Variants in OGG1 observed in about 807,000 individuals in gnomAD.
OGG1 encodes the protein 8-oxoguanine DNA glycosylase.
Under a neutral mutation model 42.3 loss-of-function variants are expected in OGG1, and 35 were observed. The observed-to-expected ratio is 0.83, with a 90% confidence interval of 0.63 to 1.10. OGG1 has a LOEUF of 1.10. OGG1 is among the 50% of genes least tolerant of loss of function. The pLI, the probability that OGG1 is intolerant of heterozygous loss-of-function variation, is 0.00. For synonymous variants in OGG1, 189 were observed against 179.0 expected (o/e 1.06, Z -0.44); for missense variants, 484 against 446.7 (o/e 1.08, Z -0.75).
chr3:9,751,274 G>A, intron 2 of OGG1, 82 bp downstream of exon 2: 1 of 1,420,992 alleles, frequency 7.0e-7, no homozygotes, highest in South Asian at 1.2e-5. Flanking sequence ...CCTGTAAAAT[G>A]GGGATTATAT....
downstream of OGG1, among the ~76,000 whole-genome samples, chr3:9,788,896 C>T (rs1470497409): frequency 6.7e-6 from 1 of 150,242 alleles, no homozygotes; most frequent in African/African-American, 2.5e-5. Context: ...AGTGCAGTGG[C>T]GTGATCTCGG....
rs755731269 is a variant in OGG1 at position 9,765,786 on chromosome 3, A to G, written c.1049-23A>G. ...GTGCAGGACAGCAATCTCATTCTCC[A>G]TGCTGCCTTCCTTGCCCTCCAGGGC... On this transcript the variant is annotated intron_variant, in intron 7 of 7. Transcript: ENST00000302008. 19 of 1,614,046 alleles carry G rather than the reference A, an allele frequency of 1.2e-5. No homozygotes were observed. In the South Asian group the frequency reaches 2.0e-4, roughly 17 times the overall value.
chr3:9,778,090 T>C (rs2078387032), intron 2 of OGG1, among the ~76,000 whole-genome samples: 2 of 152,218 alleles, frequency 1.3e-5, no homozygotes, highest in Admixed American at 1.3e-4. Flanking sequence ...TCCTCATCTG[T>C]AAATGGGATG....
intron 1 of OGG1, chr3:9,750,716 GA>G (rs1559679472): frequency 5.8e-6 from 4 of 691,136 alleles, no homozygotes; most frequent in Non-Finnish European, 9.8e-6. Context: ...TTCCAGCCTC[GA>G]CCCCCCGGGC....
intron 1 of OGG1, 199 bp from the exon 2 acceptor site, chr3:9,750,745 TG>T: frequency 8.1e-6 from 6 of 742,698 alleles, no homozygotes; most frequent in Non-Finnish European, 1.3e-5. Context: ...CCCGAGTAGC[TG>T]GGACTACAGG....
chr3:9,753,438 G>A (rs2077398439), intron 3 of OGG1, among the ~76,000 whole-genome samples: 1 of 151,870 alleles, frequency 6.6e-6, no homozygotes, highest in African/African-American at 2.4e-5. Context: ...GGATCACGAG[G>A]TCAGGAGATC....
chr3:9,750,654 T>A, intron 1 of OGG1: 1 of 716,904 alleles, frequency 1.4e-6, no homozygotes, highest in East Asian at 2.7e-5. Flanking sequence ...GTTTTTCTTT[T>A]TTTGAGACAG....
rs2077275477 is a variant in OGG1, at chr3:9,751,006, A to T, written c.199A>T (p.Thr67Ser). 1 of 1,614,028 alleles carries T rather than the reference A, an allele frequency of 6.2e-7. No homozygotes were observed. Among genetic ancestry groups the T allele is most frequent in the Middle Eastern group, 1.6e-4 (1 of 6,062 alleles). ...GVLADQVWTL[T>S]QTEEQLHCTV... ...ACTAGCGGATCAAGTATGGACACTG[A>T]CTCAGACTGAGGAGCAGCTCCACTG... is the stretch of plus-strand genomic sequence containing the variant. The change falls in exon 2 of 7, where the codon ACT (threonine) becomes TCT (serine). Residue 67 changes from threonine (T) to serine (S), a missense_variant. Thr to Ser is a moderately conservative substitution (Grantham distance 58, BLOSUM62 1). Transcript: ENST00000344629.
chr3:9,782,362 TA>T (rs1190095456), intron 3 of OGG1, among the ~76,000 whole-genome samples: 3 of 152,256 alleles, frequency 2.0e-5, no homozygotes, highest in Non-Finnish European at 4.4e-5. Context: ...ACTGGGCCTT[TA>T]TTTCCTCATC....
At chr3:9,771,175 G>A (rs769673518), downstream of OGG1, among the ~76,000 whole-genome samples, 24 of 151,758 alleles carry the variant, frequency 1.6e-4, no homozygotes, top group Non-Finnish European at 3.1e-4. Flanking sequence ...CTACAGGTGC[G>A]TGCCACCACA....
downstream of OGG1, chr3:9,761,365 A>G (rs1477820284): frequency 9.5e-6 from 12 of 1,257,486 alleles, no homozygotes; most frequent in Non-Finnish European, 1.3e-5. Flanking sequence ...GGAGGGAAGG[A>G]AGGGAGGGCA....
Position 9,757,393 on chromosome 3 carries a change from C to T in OGG1, c.*243C>T. 6.2e-7 allele frequency: 1 copy of T among 1,611,892 alleles called. No individual in the cohort carries two copies. ...ACAAGAAGGAACAATAAAATAGAAA[C>T]ATTTGTATGGAAAATGCAGTGAGGA... On this transcript the variant is annotated 3_prime_UTR_variant, in exon 7 of 7. Coordinates refer to ENST00000344629, the MANE Select transcript of OGG1 (RefSeq NM_002542.6). This position sits in a 1 kb window ranked among gnomAD's most constrained non-coding sequence, Gnocchi z 4.5.
At chr3:9,761,493 A>T, downstream of OGG1, 1 of 1,613,404 alleles carries the variant, frequency 6.2e-7, no homozygotes, top group East Asian at 2.2e-5. Context: ...TGGACCAGCA[A>T]TCCACAGCCT....
exon 8 of OGG1, chr3:9,766,328 G>C: frequency 1.4e-6 from 1 of 690,594 alleles, no homozygotes; most frequent in South Asian, 1.5e-5. Flanking sequence ...TCTACCCCTG[G>C]GCTTTTGGAT....
chr3:9,759,191 G>T (rs1316825995), downstream of OGG1: 1 of 1,613,106 alleles, frequency 6.2e-7, no homozygotes, highest in Non-Finnish European at 8.5e-7. Flanking sequence ...TGACAGCTCT[G>T]TCAGGTCATC....
At chr3:9,780,242 G>T in intron 2 of OGG1, 1 of 1,159,144 alleles carries the variant, frequency 8.6e-7, no homozygotes, top group Non-Finnish European at 1.2e-6. Context: ...GCCCTCTAGA[G>T]ACTGCCGCCA....
downstream of OGG1, chr3:9,757,766 C>T (rs55983368): frequency 2.0e-5 from 32 of 1,614,146 alleles, no homozygotes; most frequent in Middle Eastern, 3.3e-4. The surrounding 1 kb of genome is among the most constrained non-coding windows in gnomAD (Gnocchi z 4.5). Flanking sequence ...CATGGCTCGC[C>T]GTCTGCCCCT....
chr3:9,783,729 G>A (rs933276195), intron 3 of OGG1: 13 of 265,628 alleles, frequency 4.9e-5, no homozygotes, highest in Non-Finnish European at 9.1e-5. Context: ...AGTGAGCCGA[G>A]ATCATGCCAC....
intron 7 of OGG1, chr3:9,765,635 A>G: frequency 1.7e-6 from 2 of 1,175,138 alleles, no homozygotes; most frequent in Admixed American, 2.2e-5. Flanking sequence ...TGTGATCCCC[A>G]TTTTATAAAG....
Sources: allele counts gnomAD v4.1 joint callset (sites outside exome capture counted in the v4.1 genomes callset), GRCh38; gene constraint gnomAD v4.1.1; non-coding constraint Gnocchi (gnomAD v3.1); transcripts MANE v1.5; gene names NCBI Gene and HGNC (gene_info 2026-07-23, HGNC 2026-07-21).